Variants in P2RY14 observed in about 807,000 individuals in gnomAD.
The protein encoded by P2RY14 is P2Y purinoceptor 14.
In P2RY14, 2 loss-of-function variants were observed where a neutral mutation model predicts 0.9. The observed-to-expected ratio is 2.16, with a 90% CI of 0.88 to 6.79. P2RY14 has a LOEUF of 6.79. Among genes scored for constraint, P2RY14 ranks in the 30% most tolerant of loss-of-function variants. P2RY14 has a pLI of 0.05. For synonymous variants in P2RY14, 158 were observed against 147.2 expected (o/e 1.07, Z -0.53); for missense variants, 378 against 400.1 (o/e 0.94, Z 0.47).
intron 1 of P2RY14, among the ~76,000 whole-genome samples, chr3:151,235,867 T>C (rs1732658012): frequency 6.6e-6 from 1 of 152,124 alleles, no homozygotes. Flanking sequence ...TCATGGCATC[T>C]AACATAGCCA....
intron 1 of P2RY14, among the ~76,000 whole-genome samples, chr3:151,221,477 G>C (rs544815193): frequency 6.6e-6 from 1 of 152,322 alleles, no homozygotes; most frequent in Admixed American, 6.5e-5. Context: ...AGGAAAAAGT[G>C]GTTTCGTGGG....
Position 151,266,481 on chromosome 3 carries a change from A to G in P2RY14, c.-133+11806T>C, listed in dbSNP as rs79818571. ...AGACTCTAGACATTTTTTAAATTAT[A>G]TTTTTACAGAAGCAGTTGTATAATA... On this transcript the variant is annotated intron_variant, in intron 1 of 2. Transcript: ENST00000309170. 9.5e-3 allele frequency among the ~76,000 whole-genome samples: 1,442 copies of G among 152,290 alleles called. 19 individuals carry two copies. Among genetic ancestry groups the G allele is most frequent in the African/African-American group, 0.033 (1,354 of 41,554 alleles).
intron 1 of P2RY14, among the ~76,000 whole-genome samples, chr3:151,246,834 G>A (rs565165581): frequency 5.3e-5 from 8 of 152,182 alleles, no homozygotes; most frequent in Admixed American, 2.6e-4. Flanking sequence ...TGAACAGGCA[G>A]CCTACAAAAT....
intron 1 of P2RY14, among the ~76,000 whole-genome samples, chr3:151,257,923 T>TC (rs1310499763): frequency 1.3e-5 from 2 of 152,214 alleles, no homozygotes; most frequent in Non-Finnish European, 2.9e-5. Context: ...GCTGCTTCCT[T>TC]CCCCACCTTC....
At chr3:151,243,362 G>C (rs1454849733) in intron 1 of P2RY14, among the ~76,000 whole-genome samples, 2 of 151,022 alleles carry the variant, frequency 1.3e-5, no homozygotes, top group Non-Finnish European at 3.0e-5. Flanking sequence ...AGGGCAGCCA[G>C]AGAGAAAGGT....
At chr3:151,270,227 G>GTGTGTGTGTC (rs1246770187) in intron 1 of P2RY14, 2 of 158,134 alleles carry the variant, frequency 1.3e-5, no homozygotes, top group African/African-American at 4.9e-5. Flanking sequence ...GTGTGTGTGT[G>GTGTGTGTGTC]TGTGTGTGTG....
intron 1 of P2RY14, among the ~76,000 whole-genome samples, chr3:151,224,731 A>G (rs1028881082): frequency 3.3e-5 from 5 of 152,154 alleles, no homozygotes; most frequent in Admixed American, 6.5e-5. Flanking sequence ...CACACTTCTC[A>G]GAAGCTGTCA....
Position 151,212,845 on chromosome 3 carries a change from C to CTTCATCAAACTGTGCCTGCT in P2RY14, c.*435_*454dup, listed in dbSNP as rs1727401962. 1 of 151,914 alleles carries CTTCATCAAACTGTGCCTGCT rather than the reference C, an allele frequency of 6.6e-6. No homozygotes were observed. Among genetic ancestry groups the CTTCATCAAACTGTGCCTGCT allele is most frequent in the South Asian group, 2.1e-4 (1 of 4,794 alleles). 9.4% of individuals were successfully genotyped at this position (151,914 alleles called of 1,614,324 possible). A position where few individuals can be genotyped will look rare whatever the true frequency, so the allele number is the denominator to read the frequency against. ...TTTTATTGCAAACAGCTCTCTAGCCCTTCATCAAACTGTGCCTGCTTTCAA... is the reference window on the plus strand; with the variant it reads ...TTTTATTGCAAACAGCTCTCTAGCCCTTCATCAAACTGTGCCTGCTTTCATCAAACTGTGCCTGCTTTCAA... On this transcript the variant is annotated 3_prime_UTR_variant, in exon 3 of 3. Coordinates refer to ENST00000309170, the MANE Select transcript of P2RY14 (RefSeq NM_014879.4).
In P2RY14 at chr3:151,212,194, T is replaced by G. The variant is rs1727282373; in HGVS notation, c.*1106A>C. ...TACAAACATTACTTATAAAAATGTT[T>G]TGAAAGAACATTTGAAAAATAGATG... On this transcript the variant is annotated 3_prime_UTR_variant, in exon 3 of 3. Coordinates refer to ENST00000309170, the MANE Select transcript of P2RY14 (RefSeq NM_014879.4). The G allele has an allele frequency of 6.6e-6, 1 of 152,216 alleles. No homozygotes were observed. The highest frequency in any genetic ancestry group is 1.5e-5 in the Non-Finnish European group (1 of 68,036). 9.4% of individuals were successfully genotyped at this position (152,216 alleles called of 1,614,324 possible). A position where few individuals can be genotyped will look rare whatever the true frequency, so the allele number is the denominator to read the frequency against.
Position 151,212,975 on chromosome 3 carries a change from T to A in P2RY14, c.*325A>T. 2 of 161,174 alleles carry A rather than the reference T, an allele frequency of 1.2e-5. No homozygotes were observed. Among genetic ancestry groups the A allele is most frequent in the Admixed American group, 6.4e-5 (1 of 15,646 alleles). 10.0% of individuals were successfully genotyped at this position (161,174 alleles called of 1,614,324 possible). On this transcript the variant is annotated 3_prime_UTR_variant, in exon 3 of 3. Coordinates refer to ENST00000309170, the MANE Select transcript of P2RY14 (RefSeq NM_014879.4). ...GTCTTTGATTATGTTGTGTTTTATT[T>A]ACTATTTAAATTTCTACATTAACTG...
At chr3:151,255,285 T>A (rs1361699858) in intron 1 of P2RY14, among the ~76,000 whole-genome samples, 1 of 152,204 alleles carries the variant, frequency 6.6e-6, no homozygotes, top group Non-Finnish European at 1.5e-5. Flanking sequence ...TTGGGATTTA[T>A]ACTAATGGGT....
At chr3:151,236,223 C>T (rs781135123) in intron 1 of P2RY14, among the ~76,000 whole-genome samples, 1 of 152,156 alleles carries the variant, frequency 6.6e-6, no homozygotes, top group Admixed American at 6.5e-5. Context: ...CAACTTTGGT[C>T]AAATTAAGGA....
chr3:151,256,329 A>T (rs1559946469), intron 1 of P2RY14, among the ~76,000 whole-genome samples: 1 of 152,156 alleles, frequency 6.6e-6, no homozygotes, highest in East Asian at 1.9e-4. Flanking sequence ...GGAGCTTTAC[A>T]TTTTTGCCTC....
At chr3:151,264,430 G>A (rs1739457105) in intron 1 of P2RY14, among the ~76,000 whole-genome samples, 1 of 152,228 alleles carries the variant, frequency 6.6e-6, no homozygotes, top group Non-Finnish European at 1.5e-5. Flanking sequence ...CTGCTTAAGA[G>A]CTTTTATTGA....
intron 1 of P2RY14, chr3:151,270,240 T>TGTGTGG (rs1315723117): frequency 5.7e-5 from 9 of 158,080 alleles, no homozygotes; most frequent in African/African-American, 2.2e-4. Flanking sequence ...TGTGTGTGTG[T>TGTGTGG]GTTTTCTTTT....
At chr3:151,265,493 C>T (rs768875129) in intron 1 of P2RY14, among the ~76,000 whole-genome samples, 2 of 152,110 alleles carry the variant, frequency 1.3e-5, no homozygotes, top group African/African-American at 2.4e-5. Flanking sequence ...TCTTTATTCT[C>T]AACTGCCCAC....
chr3:151,254,095 A>C (rs1483800793), intron 1 of P2RY14, among the ~76,000 whole-genome samples: 2 of 151,944 alleles, frequency 1.3e-5, no homozygotes, highest in Non-Finnish European at 2.9e-5. Flanking sequence ...AATGAAAAAA[A>C]TAGAAGTCCA....
At chr3:151,275,180 T>TA (rs1462934870) in intron 1 of P2RY14, among the ~76,000 whole-genome samples, 2 of 152,168 alleles carry the variant, frequency 1.3e-5, no homozygotes, top group African/African-American at 4.8e-5. Flanking sequence ...ATTGCGTGTG[T>TA]ATGATCCTGG....
intron 1 of P2RY14, among the ~76,000 whole-genome samples, chr3:151,256,959 C>T (rs1737939684): frequency 1.3e-5 from 2 of 151,564 alleles, no homozygotes; most frequent in Admixed American, 6.6e-5. Context: ...ATCAAGTCCA[C>T]ATATGAAGTA....
Sources: gnomAD v4.1 joint callset for allele counts (sites outside exome capture counted in the v4.1 genomes callset) on GRCh38, gnomAD v4.1.1 for gene constraint, MANE v1.5 for transcripts, NCBI Gene and HGNC (gene_info 2026-07-23, HGNC 2026-07-21) for gene names.